Variants in SLC39A10 observed in about 807,000 individuals in gnomAD.
SLC39A10 encodes zinc transporter ZIP10.
In SLC39A10, 13 loss-of-function variants were observed where a neutral mutation model predicts 65.1. The observed-to-expected ratio is 0.20, with a 90% CI of 0.13 to 0.32. The LOEUF (loss-of-function observed/expected upper bound fraction) is 0.32, where lower values mean the gene tolerates loss of function less well. Ranked by LOEUF, SLC39A10 falls within the 10% of genes least tolerant of loss-of-function variation. The probability of loss-of-function intolerance (pLI) is 1.00; values close to 1 mark genes in which losing one functional copy is unlikely to be tolerated. For missense variants in SLC39A10, 831 were observed against 1,018.4 expected (o/e 0.82, Z 2.50); for synonymous variants, 321 against 342.2 (o/e 0.94, Z 0.68).
chr2:195,655,527 C>G (rs995174802), upstream of SLC39A10, among the ~76,000 whole-genome samples: 1 of 152,156 alleles, frequency 6.6e-6, no homozygotes, highest in Non-Finnish European at 1.5e-5. Flanking sequence ...GCTTTGCACA[C>G]AAAGGATGTA....
At chr2:195,686,831 T>C (rs1436127640) in intron 3 of SLC39A10, among the ~76,000 whole-genome samples, 1 of 152,234 alleles carries the variant, frequency 6.6e-6, no homozygotes, top group Non-Finnish European at 1.5e-5. Flanking sequence ...CTTCCTGTTC[T>C]ACTGTTTCCT....
chr2:195,634,649 A>G (rs926749970), intron 2 of SLC39A10, among the ~76,000 whole-genome samples: 2 of 152,262 alleles, frequency 1.3e-5, no homozygotes, highest in African/African-American at 4.8e-5. Context: ...AACTGTAAGG[A>G]ACAAAAAATC....
rs945381282 is a variant in SLC39A10 at position 195,664,985 on chromosome 2, C to A, written c.-12+7704C>A. Reference sequence around the variant, plus strand: ...ATTACTTAAGGCCAAGAGTTTGAGACCATCCTGGGCAACATAGGGAAACCA... The same window carrying A: ...ATTACTTAAGGCCAAGAGTTTGAGAACATCCTGGGCAACATAGGGAAACCA... On this transcript the variant is annotated intron_variant, in intron 1 of 9. Coordinates refer to ENST00000359634, the MANE Select transcript of SLC39A10 (RefSeq NM_020342.3). Among the ~76,000 whole-genome samples the A allele has an allele frequency of 5.9e-5, 9 of 151,976 alleles. No individual in the cohort carries two copies. The East Asian group carries it at 1.5e-3, about 26-fold the overall frequency.
At position 195,735,018 on chromosome 2, in the gene SLC39A10, A is replaced by G. The variant is rs1692545378; in HGVS notation, c.2473A>G (p.Ile825Val). 1 of 1,610,070 alleles carries G rather than the reference A, an allele frequency of 6.2e-7. No homozygotes were observed. The highest frequency in any genetic ancestry group is 8.5e-7 in the Non-Finnish European group (1 of 1,178,952). ...GGTGATTGCCCTCTATGAAGATAAA[A>G]TTGTGTTTGACATCCAGTTTTGACC... ...MLVIALYEDK[I>V]VFDIQF The change falls in exon 10 of 10, where the codon ATT (isoleucine) becomes GTT (valine). Residue 825 changes from isoleucine (I) to valine (V), a missense_variant. By Grantham distance (29) the Ile-to-Val change is conservative. Transcript: ENST00000359634.
chr2:195,716,662 A>G lies in SLC39A10; in HGVS notation c.1722A>G (p.Glu574=), dbSNP rs1453867934. 6.2e-7 allele frequency: 1 copy of G among 1,608,788 alleles called. No homozygotes were observed. The highest frequency in any genetic ancestry group is 8.5e-7 in the Non-Finnish European group (1 of 1,177,796). ...GAACTGATGACTCGGTTGTTTCTGA[A>G]GATCGACTTAATGAAACTGAACTGA... ...LAGTDDSVVS[E]DRLNETELTD... is the part of the protein sequence containing the mutation. The change falls in exon 7 of 10, where the codon GAA becomes GAG. Residue 574 remains glutamate (E), a synonymous_variant. Transcript: ENST00000359634.
At chr2:195,708,600 A>T (rs1334650342) in intron 4 of SLC39A10, 56 bp from the exon 5 acceptor site, 7 of 1,358,598 alleles carry the variant, frequency 5.2e-6, no homozygotes, top group Non-Finnish European at 4.9e-6. Flanking sequence ...TAATTTCAAA[A>T]TTTTAAATAG....
Position 195,696,979 on chromosome 2 carries a change from T to A in SLC39A10, c.1217-9637T>A, listed in dbSNP as rs569391893. Among the ~76,000 whole-genome samples the A allele has an allele frequency of 2.0e-5, 3 of 152,288 alleles. No homozygotes were observed. The South Asian group carries it at 6.2e-4, about 32-fold the overall frequency. On this transcript the variant is annotated intron_variant, in intron 3 of 9. Coordinates refer to ENST00000359634, the MANE Select transcript of SLC39A10 (RefSeq NM_020342.3). ...TGGAATCTTTAGGATTTTCTATTCG[T>A]TATTCATATTAACTATTCATTAAAT...
At chr2:195,638,634 G>A (rs180844240) in intron 2 of SLC39A10, among the ~76,000 whole-genome samples, 65 of 152,116 alleles carry the variant, frequency 4.3e-4, no homozygotes, top group African/African-American at 1.2e-3. Flanking sequence ...ATGAGCCACC[G>A]CACCCAGCCT....
At chr2:195,679,998 A>G (rs1690238696) in intron 1 of SLC39A10, 34 bp from the exon 2 acceptor site, 2 of 1,521,144 alleles carry the variant, frequency 1.3e-6, no homozygotes, top group Admixed American at 2.2e-5. Flanking sequence ...CTAGGTAGAA[A>G]CTAATACTTG....
chr2:195,647,296 G>A (rs544398080), intron 2 of SLC39A10, among the ~76,000 whole-genome samples: 4 of 146,742 alleles, frequency 2.7e-5, no homozygotes, highest in East Asian at 3.4e-4. Flanking sequence ...CCATGATCAC[G>A]TCACTTGCCC....
chr2:195,621,112 TG>T (rs1452656335), intron 2 of SLC39A10, among the ~76,000 whole-genome samples: 1 of 152,262 alleles, frequency 6.6e-6, no homozygotes, highest in African/African-American at 2.4e-5. Flanking sequence ...ATTTATTCAT[TG>T]GGTTTACTCA....
At chr2:195,708,262 G>C (rs16838994) in intron 4 of SLC39A10, among the ~76,000 whole-genome samples, 118 of 152,218 alleles carry the variant, frequency 7.8e-4, no homozygotes, top group African/African-American at 2.6e-3. Context: ...AGATTACAGG[G>C]AATCACAAGT....
chr2:195,651,753 G>C (rs1689036563), upstream of SLC39A10, among the ~76,000 whole-genome samples: 1 of 152,184 alleles, frequency 6.6e-6, no homozygotes, highest in African/African-American at 2.4e-5. Flanking sequence ...GGGATTACAG[G>C]TGTGAGCCAC....
At chr2:195,681,892 A>G (rs1690339125) in intron 2 of SLC39A10, among the ~76,000 whole-genome samples, 1 of 152,180 alleles carries the variant, frequency 6.6e-6, no homozygotes, top group African/African-American at 2.4e-5. Context: ...GTAGCTCCAA[A>G]GTCAGGTATT....
At chr2:195,613,697 A>T (rs952495055) in intron 2 of SLC39A10, among the ~76,000 whole-genome samples, 20 of 152,346 alleles carry the variant, frequency 1.3e-4, no homozygotes, top group African/African-American at 4.6e-4. Flanking sequence ...GCAATTAATC[A>T]ATTACATTTA....
Position 195,718,301 on chromosome 2 carries a change from C to T in SLC39A10, c.2115C>T (p.Ala705=), listed in dbSNP as rs145302928. ...CAGGAGGAATCAGTACTTCTATAGC[C>T]GTCTTCTGTCATGAACTGCCACATG... The part of the protein sequence containing the change: ...GLTGGISTSI[A]VFCHELPHEL... The change falls in exon 8 of 10, where the codon GCC becomes GCT. Residue 705 remains alanine (A), a synonymous_variant. Coordinates refer to ENST00000359634, the MANE Select transcript of SLC39A10 (RefSeq NM_020342.3). 8.6e-5 allele frequency: 138 copies of T among 1,607,210 alleles called. No homozygotes were observed. In the African/African-American group the frequency reaches 1.5e-3, roughly 18 times the overall value.
chr2:195,727,519 G>A (rs1692287598), intron 8 of SLC39A10, among the ~76,000 whole-genome samples: 1 of 123,428 alleles, frequency 8.1e-6, no homozygotes, highest in African/African-American at 2.8e-5. Context: ...CAGGATTAAA[G>A]TTTTTCTTTC....
intron 9 of SLC39A10, among the ~76,000 whole-genome samples, chr2:195,731,083 C>G (rs773337165): frequency 6.6e-6 from 1 of 152,194 alleles, no homozygotes; most frequent in Non-Finnish European, 1.5e-5. Flanking sequence ...AGCCATAGAT[C>G]ACATCATCAC....
chr2:195,716,298 C>G (rs1387982326), intron 6 of SLC39A10, among the ~76,000 whole-genome samples: 2 of 152,096 alleles, frequency 1.3e-5, no homozygotes, highest in African/African-American at 4.8e-5. Context: ...TCTTTCCGAA[C>G]TTTTATCTTC....
Sources: gnomAD v4.1 joint callset for allele counts (sites outside exome capture counted in the v4.1 genomes callset) on GRCh38, gnomAD v4.1.1 for gene constraint, MANE v1.5 for transcripts, NCBI Gene and HGNC (gene_info 2026-07-23, HGNC 2026-07-21) for gene names.